Variants in USP31 observed in about 807,000 individuals in gnomAD.
USP31 encodes ubiquitin carboxyl-terminal hydrolase 31.
USP31 carries 44 observed loss-of-function variants against 119.4 expected under a neutral mutation model. That is an observed-to-expected ratio of 0.37 (90% CI 0.29 to 0.47). The LOEUF (loss-of-function observed/expected upper bound fraction) is 0.47. USP31 is among the 20% of genes least tolerant of loss of function. The probability of loss-of-function intolerance (pLI) is 0.99; values close to 1 mark genes in which losing one functional copy is unlikely to be tolerated. For synonymous variants in USP31, 749 were observed against 705.6 expected (o/e 1.06, Z -0.97); for missense variants, 1,643 against 1,730.2 (o/e 0.95, Z 0.89).
chr16:23,107,107 C>A (rs1291002594), intron 2 of USP31, among the ~76,000 whole-genome samples: 2 of 148,938 alleles, frequency 1.3e-5, no homozygotes, highest in Admixed American at 1.3e-4. Context: ...AGCGAAAGTC[C>A]GTCTCAAAAA....
chr16:23,081,806 G>C (rs1003181904), intron 12 of USP31, among the ~76,000 whole-genome samples: 2 of 152,080 alleles, frequency 1.3e-5, no homozygotes, highest in Admixed American at 6.5e-5. Flanking sequence ...CTCCACTGTC[G>C]GGCTTTGCAC....
chr16:23,102,856 G>C (rs570110668), intron 5 of USP31, among the ~76,000 whole-genome samples: 3 of 152,216 alleles, frequency 2.0e-5, no homozygotes, highest in Admixed American at 2.0e-4. Flanking sequence ...GTTATCTGGA[G>C]ATGATTTAAA....
chr16:23,131,505 A>T (rs1903029470), intron 1 of USP31, among the ~76,000 whole-genome samples: 1 of 152,152 alleles, frequency 6.6e-6, no homozygotes, highest in Admixed American at 6.5e-5. Flanking sequence ...TACCTAGGTT[A>T]GGTCCTCATC....
chr16:23,085,449 G>A, intron 10 of USP31, 136 bp downstream of exon 10: 1 of 773,430 alleles, frequency 1.3e-6, no homozygotes, highest in South Asian at 1.7e-5. Context: ...TTAAATAAAG[G>A]GTTAACAACA....
chr16:23,093,397 G>C (rs540043510), intron 6 of USP31, among the ~76,000 whole-genome samples: 30 of 152,208 alleles, frequency 2.0e-4, no homozygotes, highest in African/African-American at 7.2e-4. Context: ...TCTCCAAAGA[G>C]AATATATAAA....
intron 13 of USP31, among the ~76,000 whole-genome samples, chr16:23,075,987 C>G (rs1012309721): frequency 6.6e-6 from 1 of 152,064 alleles, no homozygotes; most frequent in Admixed American, 6.6e-5. Context: ...ACTTGGGAAG[C>G]TGAGGTAGGA....
At chr16:23,142,890 G>A (rs1903392407) in intron 1 of USP31, among the ~76,000 whole-genome samples, 2 of 152,114 alleles carry the variant, frequency 1.3e-5, no homozygotes, top group African/African-American at 4.8e-5. Flanking sequence ...TGTGCTTTGT[G>A]GAAAACACTG....
chr16:23,072,413 A>G, intron 14 of USP31: 1 of 629,512 alleles, frequency 1.6e-6, no homozygotes, highest in Non-Finnish European at 2.8e-6. Flanking sequence ...CTGACGCATG[A>G]AATTTGTAGT....
chr16:23,127,744 C>T (rs1031830356), intron 1 of USP31, among the ~76,000 whole-genome samples: 1 of 151,120 alleles, frequency 6.6e-6, no homozygotes, highest in African/African-American at 2.4e-5. Context: ...TCCCAAAGTG[C>T]TGGGATTACA....
intron 11 of USP31, among the ~76,000 whole-genome samples, chr16:23,082,831 C>CTTTTTTTTT (rs71151692): frequency 0.062 from 8,019 of 128,550 alleles, 483 homozygotes; most frequent in African/African-American, 0.072. Context: ...CTTTCTCTCT[C>CTTTTTTTTT]TTTTTTTTTT....
Position 23,068,532 on chromosome 16 carries a change from C to T in USP31, c.3573G>A (p.Gly1191=). Residue 1191 remains glycine (G), a synonymous_variant, in exon 16 of 16, where the codon GGG becomes GGA. Coordinates refer to ENST00000219689, the MANE Select transcript of USP31 (RefSeq NM_020718.4). ...AGGAGCTCCGCACGTGCTTCCCGGC[C>T]CCCCTGCCCTCCCCTGCTCGGGCCT... is the stretch of plus-strand genomic sequence containing the variant. ...VSQARAGEGR[G]AGKHVRSSSM... is the part of the protein sequence containing the mutation. 6.2e-7 allele frequency: 1 copy of T among 1,613,888 alleles called. No homozygotes were observed.
At chr16:23,117,751 C>CTTTT (rs67615111) in intron 1 of USP31, among the ~76,000 whole-genome samples, 6 of 141,596 alleles carry the variant, frequency 4.2e-5, no homozygotes, top group South Asian at 2.3e-4. Flanking sequence ...TTTTCCTTTT[C>CTTTT]TTTTTTTTTT....
chr16:23,137,780 T>C (rs78194767), intron 1 of USP31, among the ~76,000 whole-genome samples: 3,792 of 150,288 alleles, frequency 0.025, 56 homozygotes, highest in African/African-American at 0.041. Flanking sequence ...TTCATGTTCA[T>C]TATAGTAAAA....
intron 14 of USP31, among the ~76,000 whole-genome samples, chr16:23,073,383 C>T (rs899399652): frequency 6.6e-6 from 1 of 152,190 alleles, no homozygotes; most frequent in Non-Finnish European, 1.5e-5. Flanking sequence ...CTATGTGGCC[C>T]AGATGGGACA....
In USP31 at chr16:23,065,269, T is replaced by G. The variant is rs1484300050; in HGVS notation, c.*2777A>C. On this transcript the variant is annotated 3_prime_UTR_variant, in exon 16 of 16. Transcript: ENST00000219689. ...AGGCCTATCATCCCTAGCAGATAAT[T>G]TTTAACCCCAAAGCACATACACGCT... 1 of 151,670 alleles carries G rather than the reference T, an allele frequency of 6.6e-6. No individual in the cohort carries two copies. The highest frequency in any genetic ancestry group is 1.5e-5 in the Non-Finnish European group (1 of 67,954). 9.4% of individuals were successfully genotyped at this position (151,670 alleles called of 1,614,324 possible).
At chr16:23,108,530 A>G (rs979167056) in intron 1 of USP31, among the ~76,000 whole-genome samples, 2 of 152,260 alleles carry the variant, frequency 1.3e-5, no homozygotes, top group Non-Finnish European at 2.9e-5. Flanking sequence ...GGTTAAGAGT[A>G]GGAGGAGATG....
At chr16:23,100,724 G>C (rs1303118877) in intron 6 of USP31, among the ~76,000 whole-genome samples, 1 of 152,164 alleles carries the variant, frequency 6.6e-6, no homozygotes, top group Non-Finnish European at 1.5e-5. Flanking sequence ...CTGAGCGACA[G>C]AGCAAGACTC....
Position 23,068,213 on chromosome 16 carries a change from GGTC to G in USP31, c.3889_3891del (p.Asp1297del). 6.2e-7 allele frequency: 1 copy of G among 1,614,144 alleles called. No individual in the cohort carries two copies. The highest frequency in any genetic ancestry group is 8.5e-7 in the Non-Finnish European group (1 of 1,180,038). On this transcript the variant is annotated inframe_deletion, in exon 16 of 16. Transcript: ENST00000219689. ...AGCAGGGAATGTTTGGCAGAAGCAG[GGTC>G]CTTGGTGACAAGCTGCTCTTTTCCC...
intron 1 of USP31, among the ~76,000 whole-genome samples, chr16:23,113,020 C>T (rs530608964): frequency 6.1e-4 from 93 of 151,252 alleles, no homozygotes; most frequent in African/African-American, 2.1e-3. Context: ...AAGAGCGAAA[C>T]TCCGTCCCAA....
Sources: gnomAD v4.1 joint callset for allele counts (sites outside exome capture counted in the v4.1 genomes callset) on GRCh38, gnomAD v4.1.1 for gene constraint, MANE v1.5 for transcripts, NCBI Gene and HGNC (gene_info 2026-07-23, HGNC 2026-07-21) for gene names.